The following FER1L6 variants were observed in gnomAD, a reference collection of about 807,000 sequenced individuals.
FER1L6 encodes fer-1 like family member 6, also known as fer-1-like protein 6.
Under a neutral mutation model 219.2 loss-of-function variants are expected in FER1L6, and 177 were observed. The ratio of observed to expected loss-of-function variants is 0.81; its 90% CI spans 0.71 to 0.91. The LOEUF (loss-of-function observed/expected upper bound fraction) is 0.91. FER1L6 is among the 40% of genes least tolerant of loss of function. The probability of loss-of-function intolerance (pLI) is 0.00; values close to 1 mark genes in which losing one functional copy is unlikely to be tolerated. For missense variants in FER1L6, 2,153 were observed against 2,259.9 expected (o/e 0.95, Z 0.96); for synonymous variants, 768 against 824.3 (o/e 0.93, Z 1.17).
At chr8:123,921,457 T>C (rs1277039342) in intron 1 of FER1L6, among the ~76,000 whole-genome samples, 1 of 152,160 alleles carries the variant, frequency 6.6e-6, no homozygotes, top group African/African-American at 2.4e-5. Context: ...CTTGAACTTC[T>C]GGGCTCAAGT....
intron 1 of FER1L6, among the ~76,000 whole-genome samples, chr8:123,898,781 G>GTATATACATATATGTACA (rs201509499): frequency 1.9e-4 from 26 of 135,844 alleles, no homozygotes; most frequent in Non-Finnish European, 3.1e-4. Context: ...GTATATATAC[G>GTATATACATATATGTACA]TATGTACATA....
At chr8:124,013,211 G>A (rs1027446319) in intron 14 of FER1L6, among the ~76,000 whole-genome samples, 10 of 152,160 alleles carry the variant, frequency 6.6e-5, no homozygotes, top group Non-Finnish European at 1.3e-4. Flanking sequence ...CAGTATGGGA[G>A]AAGACTTGTA....
chr8:123,910,404 A>T lies in FER1L6; in HGVS notation c.-7-45588A>T, dbSNP rs1287399530. 1.3e-5 allele frequency among the ~76,000 whole-genome samples: 2 copies of T among 152,186 alleles called. 1 individual carries two copies. Among genetic ancestry groups the T allele is most frequent in the Non-Finnish European group, 2.9e-5 (2 of 68,030 alleles). ...TTGGTAAGTTGGTAGAACACTAGGGAGAGGACCTAGGACCTTTTTCGTTCA... is the reference window on the plus strand; with the variant it reads ...TTGGTAAGTTGGTAGAACACTAGGGTGAGGACCTAGGACCTTTTTCGTTCA... On this transcript the variant is annotated intron_variant, in intron 1 of 40. Coordinates refer to ENST00000522917, the MANE Select transcript of FER1L6 (RefSeq NM_001039112.2).
In FER1L6 at chr8:124,021,942, C is replaced by T. The variant is rs1006213596; in HGVS notation, c.2133+273C>T. 5.3e-5 allele frequency among the ~76,000 whole-genome samples: 8 copies of T among 152,128 alleles called. No individual in the cohort carries two copies. The East Asian group carries it at 7.7e-4, about 15-fold the overall frequency. ...AGTGAAGTCAACGTAAGCCCAGGAA[C>T]TTTGATAGGTTTTCAACTATAAAAG... is the stretch of plus-strand genomic sequence containing the variant. On this transcript the variant is annotated intron_variant, in intron 17 of 40. Coordinates refer to ENST00000522917, the MANE Select transcript of FER1L6 (RefSeq NM_001039112.2).
intron 39 of FER1L6, among the ~76,000 whole-genome samples, chr8:124,104,384 T>A (rs1026232379): frequency 2.6e-5 from 4 of 152,076 alleles, no homozygotes; most frequent in Admixed American, 6.6e-5. Flanking sequence ...CAGTTCAACA[T>A]CCAATCATGC....
intron 1 of FER1L6, among the ~76,000 whole-genome samples, chr8:123,865,534 G>A (rs1376543452): frequency 1.3e-5 from 2 of 151,492 alleles, no homozygotes; most frequent in Non-Finnish European, 1.5e-5. Flanking sequence ...AGGCTGCTTT[G>A]TTTACCTAAG....
At position 124,076,376 on chromosome 8, in the gene FER1L6, G is replaced by T. The variant is rs566719891; in HGVS notation, c.4220+51G>T. On this transcript the variant is annotated intron_variant, in intron 32 of 40. Transcript: ENST00000522917. The stretch of plus-strand genomic sequence containing the variant: ...TATTGTCCTTTCTGCATTTGCTCCT[G>T]CTGTGTTTCTGTGGGGATAGTGCGT... The T allele has an allele frequency of 5.4e-5, 85 of 1,579,842 alleles. 2 individuals are homozygous for T. In the South Asian group the frequency reaches 9.3e-4, roughly 17 times the overall value.
At chr8:124,017,598 G>A (rs760804908) in intron 15 of FER1L6, 30 bp from the exon 16 acceptor site, 1 of 1,507,902 alleles carries the variant, frequency 6.6e-7, no homozygotes, top group East Asian at 2.3e-5. Context: ...TCACTAAGTA[G>A]GTTTCAAAAT....
In FER1L6 at chr8:123,927,162, G is replaced by GA. The variant is rs10531303; in HGVS notation, c.-7-28813dup. ...AGGGTCATAGATAGTCAGCAGGCAG[G>GA]AAAAAAAAAAAAAAAAAGATGAGTC... On this transcript the variant is annotated intron_variant, in intron 1 of 40. Coordinates refer to ENST00000522917, the MANE Select transcript of FER1L6 (RefSeq NM_001039112.2). Among the ~76,000 whole-genome samples, 444 of 135,692 alleles carry GA rather than the reference G, an allele frequency of 3.3e-3. 6 individuals carry two copies. Among genetic ancestry groups the GA allele is most frequent in the East Asian group, 0.019 (88 of 4,660 alleles). The allele number at this position is 135,692 out of a possible 152,430, so 89.0% of individuals were successfully genotyped here.
chr8:124,040,046 G>A, intron 20 of FER1L6, 40 bp downstream of exon 20: 2 of 1,612,686 alleles, frequency 1.2e-6, no homozygotes, highest in Non-Finnish European at 1.7e-6. Flanking sequence ...CTTTCCTGCA[G>A]CCTGCAACTG....
At position 124,101,195 on chromosome 8, in the gene FER1L6, T is replaced by C; in HGVS notation, c.4982T>C (p.Phe1661Ser). 6.2e-7 allele frequency: 1 copy of C among 1,613,900 alleles called. No individual in the cohort carries two copies. Among genetic ancestry groups the C allele is most frequent in the Non-Finnish European group, 8.5e-7 (1 of 1,179,942 alleles). The part of the protein sequence containing the change: ...GNFNWRFLFP[F>S]QYLPAEKQMV... ...TTCAACTGGCGCTTCCTGTTTCCCT[T>C]TCAGTATCTCCCAGCTGAGAAGCAA... The change falls in exon 38 of 41, where the codon TTT becomes TCT. Residue 1661 changes from phenylalanine (F) to serine (S), a missense_variant. By Grantham distance (155) the Phe-to-Ser change is radical. Coordinates refer to ENST00000522917, the MANE Select transcript of FER1L6 (RefSeq NM_001039112.2).
At position 123,853,027 on chromosome 8, in the gene FER1L6, A is replaced by G. The variant is rs1268305959; in HGVS notation, c.-8+842A>G. On this transcript the variant is annotated intron_variant, in intron 1 of 40. Coordinates refer to ENST00000522917, the MANE Select transcript of FER1L6 (RefSeq NM_001039112.2). The surrounding 1 kb of genome is among the most constrained non-coding windows in gnomAD (Gnocchi z 6.6). Reference sequence around the variant, plus strand: ...AGATCAATTTTATTCTTATTTTTGTAGAGACGGGGCCTCGCTATGTTGCTC... The same window carrying G: ...AGATCAATTTTATTCTTATTTTTGTGGAGACGGGGCCTCGCTATGTTGCTC... 3.3e-5 allele frequency among the ~76,000 whole-genome samples: 5 copies of G among 152,182 alleles called. No individual in the cohort carries two copies. Among genetic ancestry groups the G allele is most frequent in the Non-Finnish European group, 7.3e-5 (5 of 68,042 alleles).
intron 1 of FER1L6, among the ~76,000 whole-genome samples, chr8:123,946,027 A>T (rs1005351584): frequency 6.6e-6 from 1 of 152,176 alleles, no homozygotes; most frequent in African/African-American, 2.4e-5. Context: ...TTCAAAGTGT[A>T]TCTGTTATCA....
In FER1L6 at chr8:124,091,181, T is replaced by TA. The variant is rs533838704; in HGVS notation, c.4392-234dup. ...TTGTTATGTGAATTTCACTTCAATT[T>TA]AAAAAAAATGAAAAGTACATTACTT... On this transcript the variant is annotated intron_variant, in intron 33 of 40. Coordinates refer to ENST00000522917, the MANE Select transcript of FER1L6 (RefSeq NM_001039112.2). Among the ~76,000 whole-genome samples, 63 of 152,096 alleles carry TA rather than the reference T, an allele frequency of 4.1e-4. 1 individual carries two copies. Among genetic ancestry groups the TA allele is most frequent in the Middle Eastern group, 6.8e-3 (2 of 294 alleles).
At chr8:123,879,257 T>C (rs1817062962) in intron 1 of FER1L6, among the ~76,000 whole-genome samples, 1 of 152,168 alleles carries the variant, frequency 6.6e-6, no homozygotes, top group Admixed American at 6.5e-5. Context: ...GAGCTATAAT[T>C]GTGCCACTGC....
chr8:123,884,549 G>T (rs1817165829), intron 1 of FER1L6, among the ~76,000 whole-genome samples: 1 of 152,208 alleles, frequency 6.6e-6, no homozygotes, highest in Non-Finnish European at 1.5e-5. Context: ...TTTCATGGCA[G>T]TTTGCTTCAG....
At chr8:123,920,079 C>T (rs1813314646) in intron 1 of FER1L6, among the ~76,000 whole-genome samples, 2 of 152,228 alleles carry the variant, frequency 1.3e-5, no homozygotes, top group African/African-American at 4.8e-5. Context: ...CAGAGCATTA[C>T]ACCCCAAGTT....
chr8:124,068,555 C>T (rs144890631), intron 28 of FER1L6, among the ~76,000 whole-genome samples: 14 of 152,198 alleles, frequency 9.2e-5, no homozygotes, highest in South Asian at 2.1e-4. Context: ...AACAACTTTG[C>T]GCAAGACCCT....
At chr8:123,975,527 A>T (rs1357060902) in intron 8 of FER1L6, among the ~76,000 whole-genome samples, 1 of 152,114 alleles carries the variant, frequency 6.6e-6, no homozygotes, top group Non-Finnish European at 1.5e-5. Context: ...GTCTTCCTAT[A>T]ATAACCCATA....
Sources: allele counts gnomAD v4.1 joint callset (sites outside exome capture counted in the v4.1 genomes callset), GRCh38; gene constraint gnomAD v4.1.1; non-coding constraint Gnocchi (gnomAD v3.1); transcripts MANE v1.5; gene names NCBI Gene and HGNC (gene_info 2026-07-23, HGNC 2026-07-21).